Variants in PDXDC1 observed in about 807,000 individuals in gnomAD.
PDXDC1 encodes pyridoxal dependent decarboxylase domain containing 1, also known as pyridoxal-dependent decarboxylase domain-containing protein 1.
A neutral mutation model predicts 100.1 loss-of-function variants in PDXDC1; 42 were observed. The ratio of observed to expected loss-of-function variants is 0.42; its 90% CI spans 0.33 to 0.54. The LOEUF (loss-of-function observed/expected upper bound fraction) is 0.54. Ranked by LOEUF, PDXDC1 falls within the 20% of genes least tolerant of loss-of-function variation. The pLI is 0.10. For synonymous variants in PDXDC1, 260 were observed against 371.7 expected, an observed-to-expected ratio of 0.70 and a Z score of 3.46; for missense variants, 636 against 979.2, an observed-to-expected ratio of 0.65 and a Z score of 4.68.
intron 16 of PDXDC1, chr16:15,048,195 A>G: frequency 1.3e-6 from 1 of 776,152 alleles, no homozygotes; most frequent in South Asian, 1.7e-5. Flanking sequence ...CTGCGTGGGC[A>G]GCACGCTAGT....
chr16:15,127,773 C>T (rs1567298439), intron 16 of PDXDC1: 3 of 1,552,602 alleles, frequency 1.9e-6, no homozygotes, highest in Non-Finnish European at 1.7e-6. Flanking sequence ...AGGTGGCCCT[C>T]TGGATGCGAG....
Position 15,003,383 on chromosome 16 carries a change from AT to A in PDXDC1, c.243-798del, listed in dbSNP as rs1453969202. Among the ~76,000 whole-genome samples the A allele has an allele frequency of 2.6e-5, 4 of 152,278 alleles. No homozygotes were observed. The South Asian group carries it at 6.2e-4, about 24-fold the overall frequency. ...AGGTGCCCACCACCAGGCCCGGCTA[AT>A]TTTTTGTATTTTTAGTAGAGATGGG... is the stretch of plus-strand genomic sequence containing the variant. On this transcript the variant is annotated intron_variant, in intron 4 of 22. Coordinates refer to ENST00000396410, the MANE Select transcript of PDXDC1 (RefSeq NM_015027.4).
intron 3 of PDXDC1, among the ~76,000 whole-genome samples, chr16:15,001,036 A>G (rs1973036186): frequency 6.6e-6 from 1 of 152,116 alleles, no homozygotes; most frequent in Non-Finnish European, 1.5e-5. Flanking sequence ...CAAGATTCAA[A>G]TGAAATGTAT....
At chr16:15,034,024 G>C in intron 19 of PDXDC1, 2 of 566,408 alleles carry the variant, frequency 3.5e-6, no homozygotes, top group South Asian at 4.4e-5. Context: ...ACTCCTTAAG[G>C]TTTCTTTCCA....
chr16:15,131,161 C>A (rs750744919), intron 16 of PDXDC1: 1 of 1,589,576 alleles, frequency 6.3e-7, no homozygotes, highest in Non-Finnish European at 8.6e-7. Flanking sequence ...GACCACAGCA[C>A]CGACGGAGGC....
Position 15,035,506 on chromosome 16 carries a change from C to A in PDXDC1, c.2060C>A (p.Thr687Lys). 6.2e-7 allele frequency: 1 copy of A among 1,612,642 alleles called. No homozygotes were observed. The highest frequency in any genetic ancestry group is 8.5e-7 in the Non-Finnish European group (1 of 1,179,516). Residue 687 changes from threonine to lysine, a missense_variant, in exon 22 of 23, where the codon ACG (threonine) becomes AAG (lysine). Thr to Lys is a moderately conservative substitution (Grantham distance 78). This residue lies in a region of PDXDC1 where 452 missense variants were observed against 402.9 expected (regional missense o/e 1.12). Transcript: ENST00000396410. ...YVYKAQGAGVTLPPTPSGSRT... is the reference protein window; with the variant it reads ...YVYKAQGAGVKLPPTPSGSRT... ...TACAAAGCACAAGGTGCAGGAGTCA[C>A]GCTGCCTCCAACGCCCTCGGGCAGT...
chr16:15,125,851 G>C, intron 16 of PDXDC1: 3 of 884,582 alleles, frequency 3.4e-6, no homozygotes, highest in Non-Finnish European at 5.6e-6. Context: ...GCTCAGACCT[G>C]CTCAGGACCT....
chr16:15,074,829 C>G, intron 16 of PDXDC1: 1 of 1,613,050 alleles, frequency 6.2e-7, no homozygotes, highest in Non-Finnish European at 8.5e-7. Context: ...CAGGACCAGC[C>G]TTTGTTTCAT....
chr16:15,147,629 C>T, the PDXDC1 span, among the ~76,000 whole-genome samples: 5 of 152,150 alleles, frequency 3.3e-5, no homozygotes, highest in African/African-American at 9.6e-5. Flanking sequence ...CAGGTTCAAG[C>T]GATTCTCCTG....
chr16:15,000,981 T>G (rs1254483678), intron 3 of PDXDC1, among the ~76,000 whole-genome samples: 1 of 150,388 alleles, frequency 6.6e-6, no homozygotes, highest in Non-Finnish European at 1.5e-5. Flanking sequence ...ATAAGGCCTT[T>G]TTGCTCTTAT....
intron 16 of PDXDC1, chr16:15,091,237 G>A: frequency 2.5e-6 from 4 of 1,569,016 alleles, no homozygotes; most frequent in Admixed American, 1.8e-5. Flanking sequence ...CTGGAGGACA[G>A]AATGGGACCC....
intron 16 of PDXDC1, among the ~76,000 whole-genome samples, chr16:15,078,854 C>G (rs1212631047): frequency 6.7e-6 from 1 of 148,742 alleles, no homozygotes; most frequent in Non-Finnish European, 1.5e-5. Context: ...CTCTGTCACC[C>G]AGGCTGGAGC....
At chr16:15,055,251 G>T (rs756413461) in intron 16 of PDXDC1, among the ~76,000 whole-genome samples, 4 of 152,176 alleles carry the variant, frequency 2.6e-5, no homozygotes, top group Non-Finnish European at 4.4e-5. Context: ...AGAGTTCAGA[G>T]ATCTATTTGA....
At chr16:15,140,866 T>TG (rs1239144793), downstream of PDXDC1, among the ~76,000 whole-genome samples, 1 of 151,932 alleles carries the variant, frequency 6.6e-6, no homozygotes, top group African/African-American at 2.4e-5. Flanking sequence ...ACCACCCCCC[T>TG]GCTCCCCAGG....
At chr16:15,027,272 G>A (rs1470633048) in intron 14 of PDXDC1, among the ~76,000 whole-genome samples, 1 of 152,296 alleles carries the variant, frequency 6.6e-6, no homozygotes, top group African/African-American at 2.4e-5. Flanking sequence ...CGCTTCTTCA[G>A]TGCCCCGCTG....
intron 8 of PDXDC1, chr16:15,010,268 G>A (rs566806445): frequency 2.3e-4 from 36 of 158,034 alleles, no homozygotes; most frequent in African/African-American, 3.4e-4. Flanking sequence ...GGCTGGTCTC[G>A]AACTCCTGAC....
chr16:15,030,390 C>CA (rs1211432473), intron 16 of PDXDC1, among the ~76,000 whole-genome samples: 1 of 151,970 alleles, frequency 6.6e-6, no homozygotes, highest in Non-Finnish European at 1.5e-5. Flanking sequence ...ACTAAGAATA[C>CA]AAAAAATTAG....
intron 16 of PDXDC1, among the ~76,000 whole-genome samples, chr16:15,071,684 C>T (rs2045236412): frequency 6.6e-6 from 1 of 152,198 alleles, no homozygotes; most frequent in Admixed American, 6.5e-5. Context: ...AGGAGAATCG[C>T]TTGAACCCAG....
chr16:15,024,831 C>T (rs1376818310), intron 13 of PDXDC1, among the ~76,000 whole-genome samples: 1 of 152,312 alleles, frequency 6.6e-6, no homozygotes, highest in Non-Finnish European at 1.5e-5. Context: ...TCAGACATCA[C>T]TCCATCCCCC....
Sources: allele counts gnomAD v4.1 joint callset (sites outside exome capture counted in the v4.1 genomes callset), GRCh38; gene constraint gnomAD v4.1.1; regional missense constraint gnomAD v4.1.1; transcripts MANE v1.5; gene names NCBI Gene and HGNC (gene_info 2026-07-23, HGNC 2026-07-21).